DGCR2: variants seen among roughly 807,000 people sequenced by gnomAD.
DGCR2 encodes DiGeorge syndrome critical region gene 2.
Under a neutral mutation model 51.6 loss-of-function variants are expected in DGCR2, and 24 were observed. The ratio of observed to expected loss-of-function variants is 0.47; its 90% CI spans 0.34 to 0.65. The LOEUF (loss-of-function observed/expected upper bound fraction) is 0.65. Among genes scored for constraint, DGCR2 ranks in the 30% least tolerant of loss-of-function variants. DGCR2 has a pLI of 0.01. For synonymous variants in DGCR2, 340 were observed against 315.4 expected (o/e 1.08, Z -0.82); for missense variants, 765 against 772.1 (o/e 0.99, Z 0.11).
intron 2 of DGCR2, 70 bp from the exon 3 acceptor site, chr22:19,068,295 T>C: frequency 6.9e-7 from 1 of 1,458,456 alleles, no homozygotes; most frequent in Non-Finnish European, 9.1e-7. Flanking sequence ...CCAGCATGGT[T>C]CAGACCACTC....
At chr22:19,069,405 G>A (rs185050651) in intron 2 of DGCR2, among the ~76,000 whole-genome samples, 40 of 152,292 alleles carry the variant, frequency 2.6e-4, no homozygotes, top group African/African-American at 9.6e-4. Context: ...TCATGATAAA[G>A]TAACAAACAT....
Position 19,083,250 on chromosome 22 carries a change from T to C in DGCR2, c.202+6118A>G, listed in dbSNP as rs114833051. 6.8e-3 allele frequency among the ~76,000 whole-genome samples: 1,039 copies of C among 152,330 alleles called. 10 individuals carry two copies. Among genetic ancestry groups the C allele is most frequent in the African/African-American group, 0.024 (987 of 41,570 alleles). ...AGCACTGTGTTTGAAGAGTCTGCCC[T>C]TTGCACAGCGATATGTAATTCCACC... On this transcript the variant is annotated intron_variant, in intron 2 of 9. Transcript: ENST00000263196.
intron 7 of DGCR2, 148 bp from the exon 8 acceptor site, chr22:19,042,107 A>AAATAAGGCCGCTCAAAATC (rs2082439685): frequency 1.1e-6 from 1 of 926,740 alleles, no homozygotes; most frequent in African/African-American, 1.7e-5. Flanking sequence ...GATACATGTG[A>AAATAAGGCCGCTCAAAATC]AATAAGGCCG....
At chr22:19,092,913 G>A (rs1687656748) in intron 1 of DGCR2, among the ~76,000 whole-genome samples, 1 of 146,202 alleles carries the variant, frequency 6.8e-6, no homozygotes. Flanking sequence ...GGAGGAGGAG[G>A]AAAGAAAGGA....
intron 1 of DGCR2, among the ~76,000 whole-genome samples, chr22:19,106,689 A>G (rs1186022990): frequency 6.6e-6 from 1 of 152,160 alleles, no homozygotes; most frequent in African/African-American, 2.4e-5. Context: ...CAACTAGTCC[A>G]GCCAGCTAGC....
intron 1 of DGCR2, among the ~76,000 whole-genome samples, chr22:19,111,916 TTGACA>T (rs1806817920): frequency 6.6e-6 from 1 of 151,728 alleles, no homozygotes; most frequent in Non-Finnish European, 1.5e-5. Flanking sequence ...ACCAAGAGTT[TTGACA>T]AAAGTACATC....
In DGCR2 at chr22:19,063,006, C is replaced by A. The variant is rs535948789; in HGVS notation, c.625+196G>T. On this transcript the variant is annotated intron_variant, in intron 5 of 9. Transcript: ENST00000263196. ...TGCAACAGAGGGTTCCAGAGACAGCCACCGCCCAATGCAGGGCCTGATCTG... is the reference window on the plus strand; with the variant it reads ...TGCAACAGAGGGTTCCAGAGACAGCAACCGCCCAATGCAGGGCCTGATCTG... 5.3e-5 allele frequency among the ~76,000 whole-genome samples: 8 copies of A among 152,258 alleles called. 1 individual carries two copies. The South Asian group carries it at 1.5e-3, about 28-fold the overall frequency.
chr22:19,103,087 T>A (rs1379912710), intron 1 of DGCR2, among the ~76,000 whole-genome samples: 1 of 152,078 alleles, frequency 6.6e-6, no homozygotes, highest in Non-Finnish European at 1.5e-5. Context: ...TACTAACACA[T>A]GCTATAACAT....
chr22:19,055,729 G>C (rs896752870), intron 6 of DGCR2: 1 of 152,236 alleles, frequency 6.6e-6, no homozygotes, highest in African/African-American at 2.4e-5. Context: ...AGAGGAAGTC[G>C]TAACACCAGC....
rs2082920330 is a variant in DGCR2 at position 19,080,154 on chromosome 22, G to A, written c.202+9214C>T. Among the ~76,000 whole-genome samples, 3 of 152,292 alleles carry A rather than the reference G, an allele frequency of 2.0e-5. No individual in the cohort carries two copies. The South Asian group carries it at 6.2e-4, about 32-fold the overall frequency. ...CATCTGGAGAGCAGGGCAGAAGACA[G>A]GCCTGAGCATCCTACTTATTACCTA... On this transcript the variant is annotated intron_variant, in intron 2 of 9. Coordinates refer to ENST00000263196, the MANE Select transcript of DGCR2 (RefSeq NM_005137.3).
intron 6 of DGCR2, among the ~76,000 whole-genome samples, chr22:19,055,644 G>A (rs985282888): frequency 8.6e-5 from 13 of 152,024 alleles, no homozygotes; most frequent in African/African-American, 3.1e-4. Flanking sequence ...ACCAATAAAG[G>A]AGTTTAGAAA....
In DGCR2 at chr22:19,041,182, GA is replaced by G; in HGVS notation, c.1271del (p.Phe424SerfsTer225). On this transcript the variant is annotated frameshift_variant, in exon 9 of 10. Coordinates refer to ENST00000263196, the MANE Select transcript of DGCR2 (RefSeq NM_005137.3). LOFTEE classifies it high-confidence loss of function. ...AGGGAGGTGGAGGGTCGTGGAAATGGAAAGTCCCACCCTCTCCGTCGTCAGA... is the reference window on the plus strand; with the variant it reads ...AGGGAGGTGGAGGGTCGTGGAAATGGAAGTCCCACCCTCTCCGTCGTCAGA... ...HLSDDGEGGT[F>X]HFHDPPPPYT... 1 of 1,613,930 alleles carries G rather than the reference GA, an allele frequency of 6.2e-7. No individual in the cohort carries two copies. Among genetic ancestry groups the G allele is most frequent in the Non-Finnish European group, 8.5e-7 (1 of 1,179,964 alleles).
chr22:19,059,095 G>A (rs1472864999), intron 5 of DGCR2, among the ~76,000 whole-genome samples: 1 of 152,246 alleles, frequency 6.6e-6, no homozygotes, highest in African/African-American at 2.4e-5. Context: ...CTGTGGGGCT[G>A]GAGAAGAGGC....
intron 1 of DGCR2, among the ~76,000 whole-genome samples, chr22:19,100,776 T>C (rs2083193032): frequency 1.3e-5 from 2 of 152,216 alleles, no homozygotes; most frequent in Non-Finnish European, 2.9e-5. Context: ...TTATGTGGGT[T>C]ATATCTGTCA....
At chr22:19,086,383 G>A (rs1185309081) in intron 2 of DGCR2, among the ~76,000 whole-genome samples, 1 of 152,144 alleles carries the variant, frequency 6.6e-6, no homozygotes, top group Non-Finnish European at 1.5e-5. Flanking sequence ...GGAGGCTGAG[G>A]CAGGAGAATG....
chr22:19,048,673 T>C, intron 6 of DGCR2, 30 bp from the exon 7 acceptor site: 3 of 1,606,086 alleles, frequency 1.9e-6, no homozygotes, highest in Non-Finnish European at 2.6e-6. Context: ...TGTACAGATG[T>C]ATACAATGCC....
In DGCR2 at chr22:19,112,437, G is replaced by GT. The variant is rs1398559560; in HGVS notation, c.79+9690dup. On this transcript the variant is annotated intron_variant, in intron 1 of 9. Transcript: ENST00000263196. ...TAAACATGGTTTCAAATCAAAACAG[G>GT]TTTTTTTTTTGGTTTTGGTTTTTGA... Among the ~76,000 whole-genome samples, 123 of 142,046 alleles carry GT rather than the reference G, an allele frequency of 8.7e-4. 9 individuals carry two copies. The highest frequency in any genetic ancestry group is 1.6e-3 in the East Asian group (8 of 4,980). The allele number at this position is 142,046 out of a possible 152,430, so 93.2% of individuals were successfully genotyped here. A position where few individuals can be genotyped will look rare whatever the true frequency, so the allele number is the denominator to read the frequency against.
chr22:19,064,790 T>G, intron 4 of DGCR2, 58 bp downstream of exon 4: 1 of 1,516,948 alleles, frequency 6.6e-7, no homozygotes, highest in Non-Finnish European at 9.1e-7. Flanking sequence ...AGAGGCCATG[T>G]GCTCAGTAGT....
At chr22:19,109,925 C>T (rs2083296928) in intron 1 of DGCR2, among the ~76,000 whole-genome samples, 1 of 152,194 alleles carries the variant, frequency 6.6e-6, no homozygotes, top group South Asian at 2.1e-4. Context: ...AAATCTGACG[C>T]ATCTAAAAGG....
Sources: gnomAD v4.1 joint callset for allele counts (sites outside exome capture counted in the v4.1 genomes callset) on GRCh38, gnomAD v4.1.1 for gene constraint, MANE v1.5 for transcripts, NCBI Gene and HGNC (gene_info 2026-07-23, HGNC 2026-07-21) for gene names.